PRKCG: variants seen among roughly 807,000 people sequenced by gnomAD.
PRKCG encodes protein kinase C gamma type.
Under a neutral mutation model 82.0 loss-of-function variants are expected in PRKCG, and 28 were observed. The ratio of observed to expected loss-of-function variants is 0.34; its 90% CI spans 0.25 to 0.47. PRKCG has a LOEUF of 0.47. PRKCG is among the 20% of genes least tolerant of loss of function. The probability of loss-of-function intolerance (pLI) is 1.00; values close to 1 mark genes in which losing one functional copy is unlikely to be tolerated. For synonymous variants in PRKCG, 383 were observed against 376.6 expected, an observed-to-expected ratio of 1.02 and a Z score of -0.20; for missense variants, 640 against 952.7, an observed-to-expected ratio of 0.67 and a Z score of 4.32.
intron 8 of PRKCG, 75 bp from the exon 9 acceptor site, chr19:53,893,287 G>A (rs2068693677): frequency 4.0e-6 from 6 of 1,515,138 alleles, no homozygotes; most frequent in Admixed American, 1.7e-5. Context: ...GAGGGTACTA[G>A]GGGCCACCAG....
chr19:53,898,138 A>C, intron 10 of PRKCG, 27 bp downstream of exon 10: 1 of 1,612,766 alleles, frequency 6.2e-7, no homozygotes, highest in Non-Finnish European at 8.5e-7. Flanking sequence ...TCTGGGGGAA[A>C]GGGAGGATGT....
At position 53,900,873 on chromosome 19, in the gene PRKCG, C is replaced by T; in HGVS notation, c.1575+124C>T. 4.0e-6 allele frequency: 6 copies of T among 1,511,848 alleles called. No individual in the cohort carries two copies. The South Asian group carries it at 4.5e-5, about 11-fold the overall frequency. The allele number at this position is 1,511,848 out of a possible 1,614,324, so 93.7% of individuals were successfully genotyped here. A position where few individuals can be genotyped will look rare whatever the true frequency, so the allele number is the denominator to read the frequency against. On this transcript the variant is annotated intron_variant, in intron 14 of 17. Coordinates refer to ENST00000263431, the MANE Select transcript of PRKCG (RefSeq NM_002739.5). The surrounding 1 kb of genome is among the most constrained non-coding windows in gnomAD (Gnocchi z 4.2). Reference sequence around the variant, plus strand: ...CTTGTCATGAGTTGTGGCCTTCTTACACAGCCAGTCGTTCCTCCAGCCTCC... The same window carrying T: ...CTTGTCATGAGTTGTGGCCTTCTTATACAGCCAGTCGTTCCTCCAGCCTCC...
chr19:53,890,165 A>G (rs1343974927), intron 5 of PRKCG, 148 bp downstream of exon 5: 2 of 872,014 alleles, frequency 2.3e-6, no homozygotes, highest in East Asian at 5.3e-5. Context: ...CCCCACCCCA[A>G]AGGCCGAGCA....
In PRKCG at chr19:53,892,778, A is replaced by C. The variant is rs41275810; in HGVS notation, c.821+135A>C. 1 of 928,942 alleles carries C rather than the reference A, an allele frequency of 1.1e-6. No individual in the cohort carries two copies. Among genetic ancestry groups the C allele is most frequent in the Non-Finnish European group, 1.5e-6 (1 of 663,592 alleles). The allele number at this position is 928,942 out of a possible 1,614,324, so 57.5% of individuals were successfully genotyped here. On this transcript the variant is annotated intron_variant, in intron 7 of 17. Transcript: ENST00000263431. This position sits in a 1 kb window ranked among gnomAD's most constrained non-coding sequence, Gnocchi z 5.9. ...CACACACACACACACACACACACAC[A>C]CACGCACACACACGCACACACCCCT...
At chr19:53,888,584 T>G (rs1224916534) in intron 3 of PRKCG, among the ~76,000 whole-genome samples, 2 of 152,188 alleles carry the variant, frequency 1.3e-5, no homozygotes, top group African/African-American at 4.8e-5. Context: ...TTCAGGGCTA[T>G]GTAGGGACTT....
At chr19:53,886,367 G>A (rs751309408) in intron 3 of PRKCG, among the ~76,000 whole-genome samples, 6 of 151,970 alleles carry the variant, frequency 3.9e-5, no homozygotes, top group Non-Finnish European at 7.4e-5. Flanking sequence ...GCCTCCCAAA[G>A]TGCTGGGATT....
Position 53,901,009 on chromosome 19 carries a change from G to A in PRKCG, c.1575+260G>A, listed in dbSNP as rs57498841. ...TGTTCCAGGAGAGTGGGACCAGCTC[G>A]TAGGAATTCCAAGTAGGACCTGACC... On this transcript the variant is annotated intron_variant, in intron 14 of 17. Coordinates refer to ENST00000263431, the MANE Select transcript of PRKCG (RefSeq NM_002739.5). 4.2e-3 allele frequency among the ~76,000 whole-genome samples: 647 copies of A among 152,290 alleles called. 8 individuals carry two copies. The highest frequency in any genetic ancestry group is 0.014 in the African/African-American group (601 of 41,568).
At chr19:53,887,674 CA>C (rs2068641537) in intron 3 of PRKCG, among the ~76,000 whole-genome samples, 2 of 148,206 alleles carry the variant, frequency 1.3e-5, no homozygotes, top group African/African-American at 5.0e-5. Context: ...ACTAAAAATA[CA>C]AAAAATTAGC....
intron 3 of PRKCG, among the ~76,000 whole-genome samples, chr19:53,888,029 G>T (rs547249849): frequency 1.3e-5 from 2 of 152,088 alleles, no homozygotes; most frequent in Non-Finnish European, 2.9e-5. Context: ...CACAGCCTCC[G>T]TGCTGTCTCC....
intron 9 of PRKCG, among the ~76,000 whole-genome samples, chr19:53,893,669 A>G (rs897133779): frequency 1.1e-4 from 16 of 151,892 alleles, no homozygotes; most frequent in Non-Finnish European, 1.9e-4. Context: ...CGGAGGCACT[A>G]ATCCAGCCTG....
rs1353648132 is a variant in PRKCG, at chr19:53,883,201, G to C, written c.202+7G>C. On this transcript the variant is annotated splice_region_variant and intron_variant, in intron 2 of 17. Coordinates refer to ENST00000263431, the MANE Select transcript of PRKCG (RefSeq NM_002739.5). The surrounding 1 kb of genome is among the most constrained non-coding windows in gnomAD (Gnocchi z 5.4). ...CAGGGCCTGCAATGTCAAGGTAAGA[G>C]CTGGGGACCGGGGCTCCTGGGACCC... The C allele has an allele frequency of 6.2e-7, 1 of 1,613,848 alleles. No individual in the cohort carries two copies. The highest frequency in any genetic ancestry group is 2.2e-5 in the East Asian group (1 of 44,836).
chr19:53,889,604 C>A lies in PRKCG; in HGVS notation c.286-34C>A. On this transcript the variant is annotated intron_variant, in intron 3 of 17. Transcript: ENST00000263431. The surrounding 1 kb of genome is among the most constrained non-coding windows in gnomAD (Gnocchi z 4.4). ...CTCCCCTGGGGTTTTAGGACCCTCC[C>A]AACGCCCCCTAAGCCAGTCTTCTCT... is the stretch of plus-strand genomic sequence containing the variant. The A allele has an allele frequency of 6.4e-7, 1 of 1,565,534 alleles. No individual in the cohort carries two copies. Among genetic ancestry groups the A allele is most frequent in the South Asian group, 1.1e-5 (1 of 89,846 alleles).
chr19:53,898,701 C>T, intron 11 of PRKCG, 73 bp downstream of exon 11: 1 of 1,354,172 alleles, frequency 7.4e-7, no homozygotes, highest in Non-Finnish European at 9.9e-7. Flanking sequence ...CGTTGGGATT[C>T]TGAGTTTAGG....
rs762127066 is a variant in PRKCG, at chr19:53,892,073, C to T, written c.686+243C>T. On this transcript the variant is annotated intron_variant, in intron 6 of 17. Transcript: ENST00000263431. The surrounding 1 kb of genome is among the most constrained non-coding windows in gnomAD (Gnocchi z 5.9). ...TGAAGCCCCCAACTTTAGAGTTAGA[C>T]AGAGATGAGAGAGAGAAGAGAGAGT... Among the ~76,000 whole-genome samples the T allele has an allele frequency of 3.3e-5, 5 of 151,912 alleles. No individual in the cohort carries two copies. Among genetic ancestry groups the T allele is most frequent in the Non-Finnish European group, 7.4e-5 (5 of 67,994 alleles).
At chr19:53,906,018 TCTGTCTCCCTCCTCCTCCTC>T (rs1275269334) in intron 16 of PRKCG, among the ~76,000 whole-genome samples, 13 of 93,890 alleles carry the variant, frequency 1.4e-4, no homozygotes, top group African/African-American at 1.1e-3. Flanking sequence ...TCGCTCTCTG[TCTGTCTCCCTCCTCCTCCTC>T]CTCCCTCCTC....
intron 9 of PRKCG, among the ~76,000 whole-genome samples, chr19:53,895,487 CAAAAAA>C (rs760577483): frequency 8.0e-5 from 5 of 62,868 alleles, no homozygotes; most frequent in Admixed American, 6.8e-4. Flanking sequence ...GACTCTGTCT[CAAAAAA>C]AAAAAAAAAA....
chr19:53,890,796 G>T (rs1337057780), intron 5 of PRKCG, among the ~76,000 whole-genome samples: 1 of 148,298 alleles, frequency 6.7e-6, no homozygotes, highest in Non-Finnish European at 1.5e-5. Flanking sequence ...CTGTTGCCCA[G>T]GCTGGAGTGC....
intron 10 of PRKCG, 127 bp from the exon 11 acceptor site, chr19:53,898,313 C>A: frequency 7.3e-7 from 1 of 1,369,900 alleles, no homozygotes; most frequent in Non-Finnish European, 1.0e-6. Context: ...CAAGTCAGGG[C>A]TGTCAGTCCC....
Position 53,900,250 on chromosome 19 carries a change from GA to G in PRKCG, c.1300del (p.Met434TrpfsTer9), listed in dbSNP as rs2068752753. The G allele has an allele frequency of 1.2e-6, 2 of 1,613,988 alleles. No homozygotes were observed. The highest frequency in any genetic ancestry group is 1.3e-5 in the African/African-American group (1 of 74,902). On this transcript the variant is annotated frameshift_variant, in exon 12 of 18. Transcript: ENST00000263431. LOFTEE classifies it high-confidence loss of function. This position sits in a 1 kb window ranked among gnomAD's most constrained non-coding sequence, Gnocchi z 4.2. The stretch of plus-strand genomic sequence containing the variant: ...CTCCGCAGGACCGCCTGTATTTCGT[GA>G]TGGAGTACGTCACCGGGGGAGACTT... ...FQTPDRLYFV[M>X]EYVTGGDLMY... is the part of the protein sequence containing the mutation.
Sources: allele counts gnomAD v4.1 joint callset (sites outside exome capture counted in the v4.1 genomes callset), GRCh38; gene constraint gnomAD v4.1.1; non-coding constraint Gnocchi (gnomAD v3.1); transcripts MANE v1.5; gene names NCBI Gene and HGNC (gene_info 2026-07-23, HGNC 2026-07-21).